OTC: variants seen among roughly 807,000 people sequenced by gnomAD.
OTC encodes the protein ornithine transcarbamylase.
OTC carries 3 observed loss-of-function variants against 30.3 expected under a neutral mutation model. The ratio of observed to expected loss-of-function variants is 0.10; its 90% confidence interval spans 0.05 to 0.26. OTC has a LOEUF of 0.26. OTC is among the 10% of genes least tolerant of loss of function. The pLI, the probability that OTC is intolerant of heterozygous loss-of-function variation, is 1.00. For missense variants in OTC, 194 were observed against 260.3 expected (o/e 0.75, Z 1.75); for synonymous variants, 111 against 99.7 (o/e 1.11, Z -0.67).
chrX:38,399,618 G>GC (rs2068474750), intron 4 of OTC, among the ~76,000 whole-genome samples: 2 of 110,435 alleles, frequency 1.8e-5, no homozygotes, highest in Non-Finnish European at 3.8e-5. Context: ...GTGTGGTGGC[G>GC]AGCCTGTAAT....
At chrX:38,348,633 T>C (rs1476716166), upstream of OTC, among the ~76,000 whole-genome samples, 1 of 104,643 alleles carries the variant, frequency 9.6e-6, no homozygotes, top group Non-Finnish European at 1.9e-5. Context: ...GCCTCCTGGG[T>C]TCACGCCATT....
At chrX:38,370,255 A>C (rs5917203) in intron 3 of OTC, among the ~76,000 whole-genome samples, 2 of 111,392 alleles carry the variant, frequency 1.8e-5, no homozygotes, top group Non-Finnish European at 3.8e-5. Context: ...GATGGTGGAA[A>C]TTTAATCTTT....
intron 1 of OTC, 69 bp downstream of exon 1, chrX:38,352,842 T>A: frequency 1.3e-6 from 1 of 763,482 alleles, no homozygotes; most frequent in Non-Finnish European, 2.0e-6. Flanking sequence ...TATTCTGCAG[T>A]AAGGCCTCTT....
rs751067217 is a variant in OTC, at chrX:38,398,588, C to A, written c.387-2687C>A. 1.8e-5 allele frequency among the ~76,000 whole-genome samples: 2 copies of A among 110,907 alleles called. 1 individual carries two copies. Among genetic ancestry groups the A allele is most frequent in the East Asian group, 5.6e-4 (2 of 3,555 alleles). ...GAAGTATGACCTCTAGGATTAAACA[C>A]CCCTCTGCCCCCACCCTCTCCTTCT... On this transcript the variant is annotated intron_variant, in intron 4 of 9. Transcript: ENST00000039007.
chrX:38,385,099 A>C (rs2068396127), intron 4 of OTC, among the ~76,000 whole-genome samples: 1 of 110,667 alleles, frequency 9.0e-6, no homozygotes, highest in Non-Finnish European at 1.9e-5. Flanking sequence ...GCGAAACCCC[A>C]TCTCTACTAA....
At chrX:38,395,860 A>C (rs1464473045) in intron 4 of OTC, 3 of 111,841 alleles carry the variant, frequency 2.7e-5, no homozygotes, top group African/African-American at 9.8e-5. Context: ...ATTCTAGTTC[A>C]AATGCTTTTG....
Position 38,381,478 on chromosome X carries a change from A to T in OTC, c.386+49A>T, listed in dbSNP as rs750721949. The T allele has an allele frequency of 8.7e-6, 7 of 808,950 alleles. No homozygotes were observed. In the East Asian group the frequency reaches 2.2e-4, roughly 26 times the overall value. 66.7% of individuals were successfully genotyped at this position (808,950 alleles called of 1,213,427 possible). Reference sequence around the variant, plus strand: ...CAAAGCTGATTTCAGAATCTGATGGATAAATTTCAAAAATAAAACATAATT... The same window carrying T: ...CAAAGCTGATTTCAGAATCTGATGGTTAAATTTCAAAAATAAAACATAATT... On this transcript the variant is annotated intron_variant, in intron 4 of 9. Coordinates refer to ENST00000039007, the MANE Select transcript of OTC (RefSeq NM_000531.6).
intron 8 of OTC, among the ~76,000 whole-genome samples, chrX:38,410,245 T>C (rs768740516): frequency 1.8e-5 from 2 of 111,916 alleles, no homozygotes; most frequent in African/African-American, 3.2e-5. Context: ...ATGAACTTGC[T>C]TATCCATATT....
chrX:38,379,410 C>G (rs185918751), intron 3 of OTC, among the ~76,000 whole-genome samples: 1 of 111,332 alleles, frequency 9.0e-6, no homozygotes, highest in East Asian at 2.8e-4. Context: ...CTTTGTCAGA[C>G]TAAGGGATTC....
At chrX:38,382,426 A>G (rs762528614) in intron 4 of OTC, among the ~76,000 whole-genome samples, 9 of 112,564 alleles carry the variant, frequency 8.0e-5, no homozygotes, top group African/African-American at 2.9e-4. Flanking sequence ...TATTTCTTGC[A>G]GATAACGTCT....
chrX:38,368,190 G>A (rs1031634268), intron 2 of OTC, among the ~76,000 whole-genome samples: 3 of 110,392 alleles, frequency 2.7e-5, no homozygotes, highest in Admixed American at 1.9e-4. Context: ...AAGAAACCCC[G>A]TCTCTACTAA....
At chrX:38,371,278 AT>A (rs976920029) in intron 3 of OTC, among the ~76,000 whole-genome samples, 4 of 110,765 alleles carry the variant, frequency 3.6e-5, no homozygotes, top group African/African-American at 9.9e-5. Context: ...TGTTAAGGAT[AT>A]TTTTTTTCCT....
chrX:38,413,845 T>G (rs759270357), intron 9 of OTC, among the ~76,000 whole-genome samples: 2 of 109,125 alleles, frequency 1.8e-5, no homozygotes, highest in Non-Finnish European at 3.8e-5. Flanking sequence ...AATTTTTGTA[T>G]TTTTAGTGGC....
intron 4 of OTC, among the ~76,000 whole-genome samples, chrX:38,400,897 T>C (rs897163825): frequency 8.9e-6 from 1 of 112,704 alleles, no homozygotes; most frequent in Non-Finnish European, 1.9e-5. Flanking sequence ...GTATCTTTTT[T>C]CTGTTGGATG....
the OTC span, among the ~76,000 whole-genome samples, chrX:38,330,201 G>A: frequency 9.0e-6 from 1 of 111,578 alleles, no homozygotes; most frequent in Admixed American, 9.5e-5. Context: ...TGAAGGTAAG[G>A]GCCATGAGCG....
intron 4 of OTC, among the ~76,000 whole-genome samples, chrX:38,393,447 G>C (rs2068438833): frequency 8.9e-6 from 1 of 111,739 alleles, no homozygotes; most frequent in Non-Finnish European, 1.9e-5. Context: ...TATGGTCCTG[G>C]AATTTAAACT....
At chrX:38,387,587 T>A (rs748544061) in intron 4 of OTC, among the ~76,000 whole-genome samples, 58 of 111,724 alleles carry the variant, frequency 5.2e-4, no homozygotes, top group Non-Finnish European at 9.2e-4. Flanking sequence ...GGAGCTGATA[T>A]GTTGGAGTCT....
intron 9 of OTC, among the ~76,000 whole-genome samples, chrX:38,416,895 A>G (rs1313427422): frequency 8.9e-6 from 1 of 111,844 alleles, no homozygotes; most frequent in Non-Finnish European, 1.9e-5. Context: ...GAACCCATTA[A>G]GAAGTTTACA....
the OTC span, among the ~76,000 whole-genome samples, chrX:38,329,989 C>T: frequency 8.9e-6 from 1 of 112,168 alleles, no homozygotes; most frequent in African/African-American, 3.2e-5. Context: ...GAGTCTATTG[C>T]TTTACATGGC....
Sources: gnomAD v4.1 joint callset for allele counts (sites outside exome capture counted in the v4.1 genomes callset) on GRCh38, gnomAD v4.1.1 for gene constraint, MANE v1.5 for transcripts, NCBI Gene and HGNC (gene_info 2026-07-23, HGNC 2026-07-21) for gene names.